TMEM64: variants seen among roughly 807,000 people sequenced by gnomAD.
The protein encoded by TMEM64 is transmembrane protein 64.
TMEM64 carries 19 observed loss-of-function variants against 24.5 expected under a neutral mutation model. The ratio of observed to expected loss-of-function variants is 0.78; its 90% CI spans 0.54 to 1.14. TMEM64 has a LOEUF of 1.14. TMEM64 is among the 50% of genes most tolerant of loss of function. The pLI is 0.00. For synonymous variants in TMEM64, 262 were observed against 224.7 expected (o/e 1.17, Z -1.49); for missense variants, 487 against 493.0 (o/e 0.99, Z 0.12).
chr8:90,629,584 G>A (rs1233313770), intron 2 of TMEM64, among the ~76,000 whole-genome samples: 2 of 151,876 alleles, frequency 1.3e-5, no homozygotes, highest in South Asian at 2.1e-4. Flanking sequence ...ACAGTTCTTT[G>A]GGACAATCAT....
intron 1 of TMEM64, among the ~76,000 whole-genome samples, chr8:90,642,359 C>A (rs1809616691): frequency 6.6e-6 from 1 of 151,914 alleles, no homozygotes; most frequent in Non-Finnish European, 1.5e-5. Context: ...TTGAGGTACG[C>A]CCAGATGAAT....
At chr8:90,641,358 T>C (rs1317922077) in intron 1 of TMEM64, among the ~76,000 whole-genome samples, 2 of 149,182 alleles carry the variant, frequency 1.3e-5, no homozygotes, top group African/African-American at 5.1e-5. Context: ...ATATGAAATA[T>C]TCTTGTGGTA....
intron 1 of TMEM64, among the ~76,000 whole-genome samples, chr8:90,639,494 T>C (rs144330959): frequency 8.9e-4 from 136 of 152,308 alleles, no homozygotes; most frequent in Non-Finnish European, 1.7e-3. Flanking sequence ...CAGTCTGACA[T>C]ACTATAGGTT....
rs776422396 is a variant in TMEM64 at position 90,631,610 on chromosome 8, G to A, written c.893C>T (p.Thr298Ile). 2.4e-5 allele frequency: 39 copies of A among 1,613,430 alleles called. No individual in the cohort carries two copies. Among genetic ancestry groups the A allele is most frequent in the Non-Finnish European group, 3.4e-6 (4 of 1,179,616 alleles). Residue 298 changes from threonine (T) to isoleucine (I), a missense_variant, in exon 2 of 3, where the codon ACA becomes ATA. Physicochemically the swap from Thr to Ile is moderately conservative, Grantham distance 89. Coordinates refer to ENST00000458549, the MANE Select transcript of TMEM64 (RefSeq NM_001008495.4). ...CTGTTCTGCAATGACATCTTCCATT[G>A]TCCGCAGGGTGGTACCCAAGTAAGA... ...LNSYLGTTLR[T>I]MEDVIAEQSV...
chr8:90,636,489 C>A (rs1274642464), intron 1 of TMEM64, among the ~76,000 whole-genome samples: 2 of 152,316 alleles, frequency 1.3e-5, no homozygotes, highest in Non-Finnish European at 1.5e-5. Flanking sequence ...CTCCTGACCT[C>A]ATGATCTGCC....
chr8:90,628,963 C>T (rs1057237813), intron 2 of TMEM64, among the ~76,000 whole-genome samples: 2 of 152,138 alleles, frequency 1.3e-5, no homozygotes, highest in African/African-American at 2.4e-5. Context: ...GTTGTGGCTT[C>T]CTATGAACAG....
In TMEM64 at chr8:90,643,999, C is replaced by T. The variant is rs1018300669; in HGVS notation, c.795+1112G>A. Among the ~76,000 whole-genome samples, 77 of 152,152 alleles carry T rather than the reference C, an allele frequency of 5.1e-4. 1 individual carries two copies. Among genetic ancestry groups the T allele is most frequent in the Non-Finnish European group, 1.2e-4 (8 of 68,004 alleles). On this transcript the variant is annotated intron_variant, in intron 1 of 2. Transcript: ENST00000458549. ...GGTTAGTATTATTCCTAATTCAAAACAAAATGAGAAAGTTTCCAGAAACTA... is the reference window on the plus strand; with the variant it reads ...GGTTAGTATTATTCCTAATTCAAAATAAAATGAGAAAGTTTCCAGAAACTA...
At chr8:90,634,804 T>C (rs933462343) in intron 1 of TMEM64, among the ~76,000 whole-genome samples, 6 of 152,214 alleles carry the variant, frequency 3.9e-5, no homozygotes, top group African/African-American at 1.4e-4. Context: ...ATAAGAAAGC[T>C]ACTGGCCACT....
At chr8:90,630,325 T>A (rs908524887) in intron 2 of TMEM64, among the ~76,000 whole-genome samples, 2 of 152,188 alleles carry the variant, frequency 1.3e-5, no homozygotes, top group Non-Finnish European at 2.9e-5. Flanking sequence ...TTTATTGTTG[T>A]ATTGTTATTT....
In TMEM64 at chr8:90,645,533, G is replaced by C; in HGVS notation, c.373C>G (p.Leu125Val). ...GSTCWCRSLV[L>V]VCVLAALCFA... Reference sequence around the variant, plus strand: ...CACAGGGCGGCCAACACGCAGACCAGCACGAGGCTCCGGCACCAACAGGTG... The same window carrying C: ...CACAGGGCGGCCAACACGCAGACCACCACGAGGCTCCGGCACCAACAGGTG... Residue 125 changes from leucine to valine, a missense_variant, in exon 1 of 3, where the codon CTG becomes GTG. Around this residue, in one of 3 missense-constraint regions of TMEM64, gnomAD observed 419 missense variants for 407.5 expected, o/e 1.03. Coordinates refer to ENST00000458549, the MANE Select transcript of TMEM64 (RefSeq NM_001008495.4). This position sits in a 1 kb window ranked among gnomAD's most constrained non-coding sequence, Gnocchi z 4.2. The C allele has an allele frequency of 6.5e-7, 1 of 1,548,990 alleles. No individual in the cohort carries two copies. The highest frequency in any genetic ancestry group is 8.7e-7 in the Non-Finnish European group (1 of 1,146,934).
intron 1 of TMEM64, among the ~76,000 whole-genome samples, chr8:90,638,939 C>T (rs1311477421): frequency 2.0e-5 from 3 of 152,108 alleles, no homozygotes; most frequent in African/African-American, 7.2e-5. Context: ...GGCTACACCT[C>T]CAGCATTTAA....
intron 1 of TMEM64, among the ~76,000 whole-genome samples, chr8:90,638,503 T>C (rs1435178962): frequency 6.6e-5 from 10 of 152,218 alleles, no homozygotes; most frequent in Non-Finnish European, 1.2e-4. Flanking sequence ...CTGTCCCCTT[T>C]GCACTGGAGA....
At chr8:90,633,197 C>G (rs573918813) in intron 1 of TMEM64, among the ~76,000 whole-genome samples, 23 of 152,310 alleles carry the variant, frequency 1.5e-4, no homozygotes, top group South Asian at 4.1e-4. Context: ...ATGAATAGGA[C>G]TTCCACTTCT....
chr8:90,632,159 T>C (rs1223661748), intron 1 of TMEM64, among the ~76,000 whole-genome samples: 1 of 152,208 alleles, frequency 6.6e-6, no homozygotes, highest in African/African-American at 2.4e-5. Context: ...CTGTTTTGCT[T>C]TGTCTGGATC....
chr8:90,631,093 C>T (rs1305738050), intron 2 of TMEM64, among the ~76,000 whole-genome samples: 1 of 152,114 alleles, frequency 6.6e-6, no homozygotes, highest in Non-Finnish European at 1.5e-5. Context: ...TCTTTTGTTT[C>T]ACATCAAATT....
chr8:90,631,674 C>A lies in TMEM64; in HGVS notation c.829G>T (p.Ala277Ser). The change falls in exon 2 of 3, where the codon GCA becomes TCA. Residue 277 changes from alanine to serine, a missense_variant. This residue lies in a region of TMEM64 where 419 missense variants were observed against 407.5 expected (regional missense o/e 1.03). Coordinates refer to ENST00000458549, the MANE Select transcript of TMEM64 (RefSeq NM_001008495.4). ...GTAGGAAGCAGTCCAACCGAAGATGCCATCAGATAGTTGGGTAATGAGAGA... is the reference window on the plus strand; with the variant it reads ...GTAGGAAGCAGTCCAACCGAAGATGACATCAGATAGTTGGGTAATGAGAGA... ...TDLSLPNYLMASSVGLLPTQL... is the reference protein window; with the variant it reads ...TDLSLPNYLMSSSVGLLPTQL... 1.2e-6 allele frequency: 2 copies of A among 1,613,454 alleles called. No homozygotes were observed. The highest frequency in any genetic ancestry group is 1.1e-5 in the South Asian group (1 of 91,030).
chr8:90,632,647 C>CAA (rs1281772628), intron 1 of TMEM64, among the ~76,000 whole-genome samples: 2 of 152,168 alleles, frequency 1.3e-5, no homozygotes, highest in South Asian at 4.1e-4. Context: ...TTAGTACAGA[C>CAA]AGAGTTTCAC....
Position 90,645,098 on chromosome 8 carries a change from G to C in TMEM64, c.795+13C>G. On this transcript the variant is annotated intron_variant, in intron 1 of 2. Coordinates refer to ENST00000458549, the MANE Select transcript of TMEM64 (RefSeq NM_001008495.4). This position sits in a 1 kb window ranked among gnomAD's most constrained non-coding sequence, Gnocchi z 4.2. ...AGACTTGGAGAGGGATAGGCCAGCG[G>C]GACCCCACTTACCGAAAACACTGCA... 1 of 1,593,068 alleles carries C rather than the reference G, an allele frequency of 6.3e-7. No individual in the cohort carries two copies. Among genetic ancestry groups the C allele is most frequent in the Non-Finnish European group, 8.6e-7 (1 of 1,166,064 alleles).
intron 1 of TMEM64, among the ~76,000 whole-genome samples, chr8:90,638,433 C>G (rs1399938038): frequency 1.3e-5 from 2 of 152,260 alleles, no homozygotes; most frequent in Non-Finnish European, 2.9e-5. Flanking sequence ...GGAAACCTTC[C>G]CAGATGCCCC....
Sources: gnomAD v4.1 joint callset for allele counts (sites outside exome capture counted in the v4.1 genomes callset) on GRCh38, gnomAD v4.1.1 for gene constraint, gnomAD v4.1.1 regional missense constraint, Gnocchi (gnomAD v3.1) non-coding constraint, MANE v1.5 for transcripts, NCBI Gene and HGNC (gene_info 2026-07-23, HGNC 2026-07-21) for gene names.